The following JARID2 variants were observed in gnomAD, a reference collection of about 807,000 sequenced individuals.
JARID2 encodes jumonji and AT-rich interaction domain containing 2, also known as protein Jumonji.
A neutral mutation model predicts 125.6 loss-of-function variants in JARID2; 21 were observed. The observed-to-expected ratio is 0.17, with a 90% CI of 0.12 to 0.24. The LOEUF (loss-of-function observed/expected upper bound fraction) is 0.24. Among genes scored for constraint, JARID2 ranks in the 10% least tolerant of loss-of-function variants. The probability of loss-of-function intolerance (pLI) is 1.00; values close to 1 mark genes in which losing one functional copy is unlikely to be tolerated. For synonymous variants in JARID2, 736 were observed against 661.6 expected, an observed-to-expected ratio of 1.11 and a Z score of -1.73; for missense variants, 1,303 against 1,639.6, an observed-to-expected ratio of 0.79 and a Z score of 3.55.
chr6:15,334,085 G>A (rs1762804055), intron 1 of JARID2, among the ~76,000 whole-genome samples: 1 of 152,202 alleles, frequency 6.6e-6, no homozygotes, highest in African/African-American at 2.4e-5. Flanking sequence ...TGTTCCCAGA[G>A]CATGTATAAG....
chr6:15,275,701 C>T (rs1490124237), intron 1 of JARID2, among the ~76,000 whole-genome samples: 8 of 152,094 alleles, frequency 5.3e-5, no homozygotes. Flanking sequence ...ATTCCCTTTT[C>T]TCACCCACTG....
At position 15,372,692 on chromosome 6, in the gene JARID2, C is replaced by T. The variant is rs150066199; in HGVS notation, c.46-1425C>T. On this transcript the variant is annotated intron_variant, in intron 1 of 17. Transcript: ENST00000341776. ...TTTTAAGGCCCAAAGTATCTGTATGCTTCCATTTCTTATTTATTTATTTAT... is the reference window on the plus strand; with the variant it reads ...TTTTAAGGCCCAAAGTATCTGTATGTTTCCATTTCTTATTTATTTATTTAT... Among the ~76,000 whole-genome samples the T allele has an allele frequency of 3.7e-3, 561 of 151,364 alleles. 14 individuals are homozygous for T. Among genetic ancestry groups the T allele is most frequent in the Admixed American group, 0.028 (432 of 15,180 alleles).
At chr6:15,467,903 A>C (rs1270328581) in intron 4 of JARID2, among the ~76,000 whole-genome samples, 1 of 152,212 alleles carries the variant, frequency 6.6e-6, no homozygotes, top group Admixed American at 6.5e-5. Flanking sequence ...AAAAGGGTAA[A>C]GGTGAGGAGA....
chr6:15,378,198 A>ATTTT (rs66993753), intron 2 of JARID2, among the ~76,000 whole-genome samples: 1 of 140,996 alleles, frequency 7.1e-6, no homozygotes, highest in African/African-American at 2.6e-5. Flanking sequence ...TCAATTTTTA[A>ATTTT]TTTTTTTTTT....
Position 15,452,098 on chromosome 6 carries a change from C to A in JARID2, c.416C>A (p.Pro139His), listed in dbSNP as rs762282628. ...AAGATAGTGGAGCCATTGCTACCCC[C>A]TCCAGCTACTCAGATATCAGACCTC... ...PVKIVEPLLP[P>H]PATQISDLSK... Residue 139 changes from proline to histidine, a missense_variant, in exon 4 of 18, where the codon CCT becomes CAT. Coordinates refer to ENST00000341776, the MANE Select transcript of JARID2 (RefSeq NM_004973.4). The A allele has an allele frequency of 1.9e-6, 3 of 1,614,138 alleles. No individual in the cohort carries two copies. Among genetic ancestry groups the A allele is most frequent in the South Asian group, 1.1e-5 (1 of 91,076 alleles).
chr6:15,329,836 C>G (rs1762649417), intron 1 of JARID2, among the ~76,000 whole-genome samples: 1 of 152,148 alleles, frequency 6.6e-6, no homozygotes, highest in Non-Finnish European at 1.5e-5. Context: ...TGGGAGTGAT[C>G]TTTGTAGAAT....
At chr6:15,429,798 A>G (rs1200015913) in intron 3 of JARID2, among the ~76,000 whole-genome samples, 1 of 152,136 alleles carries the variant, frequency 6.6e-6, no homozygotes, top group East Asian at 1.9e-4. Context: ...GAGAGAGAGA[A>G]ATGTACACAC....
intron 1 of JARID2, among the ~76,000 whole-genome samples, chr6:15,282,514 TTC>T (rs912287991): frequency 4.6e-5 from 7 of 152,180 alleles, no homozygotes; most frequent in Admixed American, 1.3e-4. Flanking sequence ...GTTGGTTTCT[TTC>T]TCTCTCTCTT....
At chr6:15,256,101 T>TAA (rs1413196268) in intron 1 of JARID2, among the ~76,000 whole-genome samples, 2 of 152,320 alleles carry the variant, frequency 1.3e-5, no homozygotes, top group East Asian at 3.9e-4. Context: ...AAGCACTTTG[T>TAA]AAACTGCATA....
intron 1 of JARID2, among the ~76,000 whole-genome samples, chr6:15,364,997 G>T (rs1292616461): frequency 6.6e-6 from 1 of 151,982 alleles, no homozygotes; most frequent in African/African-American, 2.4e-5. Flanking sequence ...GGATTTTTTG[G>T]GGGTATATCA....
At chr6:15,348,966 A>G (rs1197184106) in intron 1 of JARID2, among the ~76,000 whole-genome samples, 1 of 152,228 alleles carries the variant, frequency 6.6e-6, no homozygotes, top group African/African-American at 2.4e-5. Context: ...GTTAATTAAG[A>G]CCATGAAAGA....
chr6:15,371,533 C>T (rs1430327474), intron 1 of JARID2, among the ~76,000 whole-genome samples: 1 of 152,294 alleles, frequency 6.6e-6, no homozygotes, highest in East Asian at 1.9e-4. Context: ...TTAACACTAT[C>T]ATTCAGTTGC....
At chr6:15,438,616 G>A (rs1767314032) in intron 3 of JARID2, among the ~76,000 whole-genome samples, 1 of 152,172 alleles carries the variant, frequency 6.6e-6, no homozygotes, top group Non-Finnish European at 1.5e-5. Flanking sequence ...AGATCCTTTA[G>A]GCAAATGTTA....
intron 5 of JARID2, among the ~76,000 whole-genome samples, chr6:15,483,815 T>C (rs576424376): frequency 6.6e-6 from 1 of 152,314 alleles, no homozygotes; most frequent in Non-Finnish European, 1.5e-5. Context: ...TTTCTCCTTT[T>C]GAGGAGCTAT....
intron 4 of JARID2, among the ~76,000 whole-genome samples, chr6:15,454,108 C>A (rs533553788): frequency 6.6e-6 from 1 of 152,300 alleles, no homozygotes; most frequent in Admixed American, 6.5e-5. Context: ...CCCTGAGGAA[C>A]TTGGCTCCTG....
chr6:15,415,603 T>C lies in JARID2; in HGVS notation c.323+5238T>C, dbSNP rs1405777159. ...GCTGGCCGGGCGGGGGGCTGACCCC[T>C]CCACCTCCCTCCCGGTCGGGGCGGC... On this transcript the variant is annotated intron_variant, in intron 3 of 17. Transcript: ENST00000341776. 9.8e-3 allele frequency among the ~76,000 whole-genome samples: 543 copies of C among 55,240 alleles called. 2 individuals carry two copies. Among genetic ancestry groups the C allele is most frequent in the African/African-American group, 0.025 (299 of 12,042 alleles). The allele number at this position is 55,240 out of a possible 152,430, so 36.2% of individuals were successfully genotyped here. A position where few individuals can be genotyped will look rare whatever the true frequency, so the allele number is the denominator to read the frequency against.
Position 15,304,655 on chromosome 6 carries a change from G to A in JARID2, c.45+58071G>A, listed in dbSNP as rs374908366. Reference sequence around the variant, plus strand: ...ATCAATCAACAAATATTTATTGAACGTTTCCTTGTAGGCTTTAAAATCCAC... The same window carrying A: ...ATCAATCAACAAATATTTATTGAACATTTCCTTGTAGGCTTTAAAATCCAC... On this transcript the variant is annotated intron_variant, in intron 1 of 17. Coordinates refer to ENST00000341776, the MANE Select transcript of JARID2 (RefSeq NM_004973.4). Among the ~76,000 whole-genome samples, 15 of 152,164 alleles carry A rather than the reference G, an allele frequency of 9.9e-5. No individual in the cohort carries two copies. The South Asian group carries it at 1.2e-3, about 13-fold the overall frequency.
rs1769187244 is a variant in JARID2, at chr6:15,473,522, C to CCCA, written c.670+4806_670+4807insACC. On this transcript the variant is annotated intron_variant, in intron 5 of 17. Transcript: ENST00000341776. ...TGTCTTCTGATGTGCGTGCCCCCCC[C>CCCA]CCCCCCCCGCTTTGTGTCCTGCCAC... is the stretch of plus-strand genomic sequence containing the variant. 5.2e-5 allele frequency among the ~76,000 whole-genome samples: 2 copies of CCCA among 38,724 alleles called. 1 individual carries two copies. Among genetic ancestry groups the CCCA allele is most frequent in the Non-Finnish European group, 1.7e-4 (2 of 11,960 alleles). 25.4% of individuals were successfully genotyped at this position (38,724 alleles called of 152,430 possible). A position where few individuals can be genotyped will look rare whatever the true frequency, so the allele number is the denominator to read the frequency against.
intron 5 of JARID2, among the ~76,000 whole-genome samples, chr6:15,469,413 C>T (rs1264532633): frequency 1.8e-5 from 2 of 111,480 alleles, no homozygotes; most frequent in African/African-American, 3.5e-5. Flanking sequence ...TCCCCCTCTC[C>T]GCTTCTCCGC....
Sources: gnomAD v4.1 joint callset for allele counts (sites outside exome capture counted in the v4.1 genomes callset) on GRCh38, gnomAD v4.1.1 for gene constraint, MANE v1.5 for transcripts, NCBI Gene and HGNC (gene_info 2026-07-23, HGNC 2026-07-21) for gene names.